The following GALNT14 variants were observed in gnomAD, a reference collection of about 807,000 sequenced individuals.
The protein encoded by GALNT14 is polypeptide N-acetylgalactosaminyltransferase 14, also known as UDP-GalNAc:polypeptide N-acetylgalactosaminyltransferase 14.
A neutral mutation model predicts 77.5 loss-of-function variants in GALNT14; 60 were observed. That is an observed-to-expected ratio of 0.77 (90% confidence interval 0.63 to 0.96). GALNT14 has a LOEUF of 0.96. Ranked by LOEUF, GALNT14 falls within the 40% of genes least tolerant of loss-of-function variation. GALNT14 has a pLI of 0.00. For synonymous variants in GALNT14, 280 were observed against 281.7 expected (o/e 0.99, Z 0.06); for missense variants, 710 against 731.0 (o/e 0.97, Z 0.33).
At chr2:30,955,760 C>T (rs201974341) in intron 5 of GALNT14, 21 bp from the exon 6 acceptor site, 11 of 1,613,290 alleles carry the variant, frequency 6.8e-6, no homozygotes, top group South Asian at 4.4e-5. Context: ...GAACAAATGA[C>T]GAAGTGGGTG....
chr2:31,117,941 G>A (rs1678194656), intron 1 of GALNT14, among the ~76,000 whole-genome samples: 1 of 152,170 alleles, frequency 6.6e-6, no homozygotes, highest in Non-Finnish European at 1.5e-5. Context: ...AGAAGAATAT[G>A]GCAGATCGTG....
Position 30,992,987 on chromosome 2 carries a change from G to T in GALNT14, c.150C>A (p.Asp50Glu). 6.2e-7 allele frequency: 1 copy of T among 1,614,086 alleles called. No individual in the cohort carries two copies. The highest frequency in any genetic ancestry group is 1.3e-5 in the African/African-American group (1 of 75,026). The part of the protein sequence containing the change: ...QTPKPSDADW[D>E]DLWDQFDERR... ...GCTCATCAAACTGGTCCCACAGGTC[G>T]TCCCAGTCAGCGTCCGAAGGCTGCG... The change falls in exon 2 of 15, where the codon GAC (aspartate) becomes GAA (glutamate). Residue 50 changes from aspartate (D) to glutamate (E), a missense_variant. Transcript: ENST00000349752.
chr2:31,058,827 C>A (rs1310015556), intron 1 of GALNT14, among the ~76,000 whole-genome samples: 1 of 152,020 alleles, frequency 6.6e-6, no homozygotes, highest in Non-Finnish European at 1.5e-5. Flanking sequence ...GAGAATTGTC[C>A]AAAGTCAATT....
intron 9 of GALNT14, among the ~76,000 whole-genome samples, chr2:30,940,216 T>C (rs1170133375): frequency 2.0e-5 from 3 of 152,186 alleles, no homozygotes; most frequent in African/African-American, 7.2e-5. Context: ...CCCTTGTTGA[T>C]GCCAAAAGAG....
intron 1 of GALNT14, among the ~76,000 whole-genome samples, chr2:31,135,498 A>T (rs1006430445): frequency 6.6e-6 from 1 of 152,172 alleles, no homozygotes; most frequent in Non-Finnish European, 1.5e-5. Flanking sequence ...AGGGAAAAAC[A>T]GGAAGAAGAA....
intron 2 of GALNT14, among the ~76,000 whole-genome samples, chr2:30,980,941 C>T (rs1232867518): frequency 6.6e-6 from 1 of 152,248 alleles, no homozygotes; most frequent in African/African-American, 2.4e-5. Context: ...GGCTTGGTGA[C>T]AGGCATCTAA....
chr2:31,091,499 G>A (rs1223982107), intron 1 of GALNT14, among the ~76,000 whole-genome samples: 1 of 152,152 alleles, frequency 6.6e-6, no homozygotes, highest in African/African-American at 2.4e-5. Context: ...TTGCCCCAAG[G>A]CCACTCCTGT....
At chr2:31,015,064 T>C (rs998434166) in intron 1 of GALNT14, among the ~76,000 whole-genome samples, 3 of 151,828 alleles carry the variant, frequency 2.0e-5, no homozygotes, top group African/African-American at 4.8e-5. Context: ...CTGAGGTGGG[T>C]GGATCACCTG....
At chr2:31,057,933 C>T (rs1291194072) in intron 1 of GALNT14, among the ~76,000 whole-genome samples, 2 of 152,066 alleles carry the variant, frequency 1.3e-5, no homozygotes, top group Non-Finnish European at 2.9e-5. Flanking sequence ...TAGGCATTTA[C>T]TCCTCACCTC....
At chr2:30,911,101 A>C in intron 14 of GALNT14, 42 bp from the exon 15 acceptor site, 1 of 1,593,210 alleles carries the variant, frequency 6.3e-7, no homozygotes, top group Non-Finnish European at 8.6e-7. Flanking sequence ...AGGTGCCATC[A>C]GTAACATGGG....
At position 31,066,928 on chromosome 2, in the gene GALNT14, G is replaced by A. The variant is rs1442210535; in HGVS notation, c.129+71030C>T. On this transcript the variant is annotated intron_variant, in intron 1 of 14. Transcript: ENST00000349752. ...CAAGCTGGGAAAGGGGCAGGCTGCT[G>A]CACACCCACCTACCTCACCCCGACA... Among the ~76,000 whole-genome samples the A allele has an allele frequency of 2.6e-5, 4 of 152,198 alleles. No homozygotes were observed. The East Asian group carries it at 7.7e-4, about 29-fold the overall frequency.
At chr2:30,908,864 T>C (rs1232098427), downstream of GALNT14, among the ~76,000 whole-genome samples, 1 of 149,122 alleles carries the variant, frequency 6.7e-6, no homozygotes, top group Non-Finnish European at 1.5e-5. Flanking sequence ...AACAGAGATA[T>C]AGATCAATGG....
At chr2:30,945,046 G>A (rs1345277881) in intron 7 of GALNT14, 104 bp from the exon 8 acceptor site, 4 of 999,762 alleles carry the variant, frequency 4.0e-6, no homozygotes, top group Middle Eastern at 2.2e-4. Context: ...TGGAGAGGTA[G>A]GTCTCAAAGA....
chr2:31,087,912 A>T (rs181762291), intron 1 of GALNT14, among the ~76,000 whole-genome samples: 2 of 152,294 alleles, frequency 1.3e-5, no homozygotes, highest in Non-Finnish European at 2.9e-5. Flanking sequence ...GTGCCTGTAT[A>T]AAAAGAGACT....
In GALNT14 at chr2:31,105,033, G is replaced by A. The variant is rs139498700; in HGVS notation, c.129+32925C>T. ...AATCTCTACCAATTACCACAGTTACGGTGACCAAGTGGTGAATATGTATCT... is the reference window on the plus strand; with the variant it reads ...AATCTCTACCAATTACCACAGTTACAGTGACCAAGTGGTGAATATGTATCT... On this transcript the variant is annotated intron_variant, in intron 1 of 14. Transcript: ENST00000349752. Among the ~76,000 whole-genome samples, 131 of 152,238 alleles carry A rather than the reference G, an allele frequency of 8.6e-4. 1 individual carries two copies. Among genetic ancestry groups the A allele is most frequent in the East Asian group, 6.6e-3 (34 of 5,182 alleles).
intron 1 of GALNT14, among the ~76,000 whole-genome samples, chr2:31,016,623 C>G (rs1671381105): frequency 6.6e-6 from 1 of 152,200 alleles, no homozygotes; most frequent in East Asian, 1.9e-4. Flanking sequence ...ACCTGCCCCC[C>G]AGAACAAGAC....
chr2:30,973,590 G>A (rs923833581), intron 2 of GALNT14, among the ~76,000 whole-genome samples: 8 of 152,222 alleles, frequency 5.3e-5, no homozygotes, highest in African/African-American at 1.9e-4. Context: ...CTGGCCCCTT[G>A]GTTCAAACTG....
intron 1 of GALNT14, among the ~76,000 whole-genome samples, chr2:31,135,484 T>C (rs536640386): frequency 7.1e-4 from 107 of 150,174 alleles, no homozygotes; most frequent in African/African-American, 2.5e-3. Flanking sequence ...GCGACATACA[T>C]ACAAGGGAAA....
intron 6 of GALNT14, among the ~76,000 whole-genome samples, chr2:30,954,559 G>C (rs181162473): frequency 6.6e-6 from 1 of 152,318 alleles, no homozygotes; most frequent in African/African-American, 2.4e-5. Flanking sequence ...TAACCTCTAG[G>C]CCCATGTGAC....
Sources: allele counts gnomAD v4.1 joint callset (sites outside exome capture counted in the v4.1 genomes callset), GRCh38; gene constraint gnomAD v4.1.1; transcripts MANE v1.5; gene names NCBI Gene and HGNC (gene_info 2026-07-23, HGNC 2026-07-21).